The following NADK variants were observed in gnomAD, a reference collection of about 807,000 sequenced individuals.
NADK encodes the protein poly(P)/ATP NAD kinase.
NADK carries 22 observed loss-of-function variants against 49.8 expected under a neutral mutation model. The observed-to-expected ratio is 0.44, with a 90% CI of 0.32 to 0.63. The LOEUF (loss-of-function observed/expected upper bound fraction) is 0.63. Ranked by LOEUF, NADK falls within the 30% of genes least tolerant of loss-of-function variation. The pLI, the probability that NADK is intolerant of heterozygous loss-of-function variation, is 0.06. For missense variants in NADK, 438 were observed against 609.4 expected (o/e 0.72, Z 2.96); for synonymous variants, 268 against 253.7 (o/e 1.06, Z -0.54).
In NADK at chr1:1,753,660, A is replaced by G; in HGVS notation, c.1102-11T>C. The G allele has an allele frequency of 6.3e-7, 1 of 1,599,710 alleles. No individual in the cohort carries two copies. The highest frequency in any genetic ancestry group is 8.5e-7 in the Non-Finnish European group (1 of 1,171,022). On this transcript the variant is annotated splice_polypyrimidine_tract_variant and intron_variant, in intron 10 of 11. Coordinates refer to ENST00000341426, the MANE Select transcript of NADK (RefSeq NM_023018.5). Reference sequence around the variant, plus strand: ...AGGTGACAGCATGATCTGAGGGTCAAGCAGGGAGAGGTGTGGGCCCCCAGC... The same window carrying G: ...AGGTGACAGCATGATCTGAGGGTCAGGCAGGGAGAGGTGTGGGCCCCCAGC...
At chr1:1,779,691 G>GTGTA (rs1225019309), upstream of NADK, among the ~76,000 whole-genome samples, 1 of 151,826 alleles carries the variant, frequency 6.6e-6, no homozygotes, top group East Asian at 1.9e-4. Flanking sequence ...GTGTGTGTGT[G>GTGTA]TAGAGATGAG....
chr1:1,779,287 T>G (rs1646305445), upstream of NADK: 1 of 152,306 alleles, frequency 6.6e-6, no homozygotes, highest in Non-Finnish European at 1.5e-5. Context: ...AGGAGCGGAC[T>G]TTGTAGTGTT....
intron 6 of NADK, 47 bp downstream of exon 6, chr1:1,756,211 C>T: frequency 6.5e-7 from 1 of 1,528,658 alleles, no homozygotes; most frequent in Non-Finnish European, 9.1e-7. Flanking sequence ...CGTTACGCAG[C>T]ACCTAGACTA....
chr1:1,778,419 C>G lies in NADK; in HGVS notation c.-171G>C, dbSNP rs972645956. The G allele has an allele frequency of 2.0e-5, 3 of 148,542 alleles. No homozygotes were observed. The highest frequency in any genetic ancestry group is 7.3e-5 in the African/African-American group (3 of 41,018). 9.2% of individuals were successfully genotyped at this position (148,542 alleles called of 1,614,324 possible). A position where few individuals can be genotyped will look rare whatever the true frequency, so the allele number is the denominator to read the frequency against. ...TGGCCGCCTGTTGCCCCATGGCCGC[C>G]CGGACCCCGGCGCCGGCGCCGCCGA... On this transcript the variant is annotated 5_prime_UTR_variant, in exon 1 of 12. Coordinates refer to ENST00000341426, the MANE Select transcript of NADK (RefSeq NM_023018.5). The surrounding 1 kb of genome is among the most constrained non-coding windows in gnomAD (Gnocchi z 4.9).
intron 10 of NADK, 110 bp from the exon 11 acceptor site, chr1:1,753,759 G>A (rs1404935925): frequency 1.9e-6 from 2 of 1,040,332 alleles, no homozygotes; most frequent in Admixed American, 2.2e-5. Flanking sequence ...CTCTGACCCT[G>A]CCTTGCGGAC....
At position 1,759,227 on chromosome 1, in the gene NADK, A is replaced by G. The variant is rs190836072; in HGVS notation, c.264-1917T>C. The G allele has an allele frequency of 2.0e-4, 311 of 1,574,394 alleles. 1 individual carries two copies. The African/African-American group carries it at 3.7e-3, about 19-fold the overall frequency. Reference sequence around the variant, plus strand: ...TGTGTGACCACAAACCAGCGCCTCGACCTCTTCCTGGGTCACCTGCAAAGC... The same window carrying G: ...TGTGTGACCACAAACCAGCGCCTCGGCCTCTTCCTGGGTCACCTGCAAAGC... On this transcript the variant is annotated intron_variant, in intron 3 of 11. Coordinates refer to ENST00000341426, the MANE Select transcript of NADK (RefSeq NM_023018.5).
At chr1:1,762,477 C>T (rs1570544151) in intron 2 of NADK, among the ~76,000 whole-genome samples, 2 of 152,176 alleles carry the variant, frequency 1.3e-5, no homozygotes, top group Admixed American at 1.3e-4. Context: ...AGACGTAGGC[C>T]GGGCGCAGTG....
intron 1 of NADK, among the ~76,000 whole-genome samples, chr1:1,771,918 C>T (rs541746851): frequency 6.6e-6 from 1 of 151,920 alleles, no homozygotes; most frequent in East Asian, 1.9e-4. Flanking sequence ...AGCAATCCTC[C>T]CACTTCAGCC....
At chr1:1,770,912 G>T (rs888927968) in intron 1 of NADK, among the ~76,000 whole-genome samples, 3 of 151,526 alleles carry the variant, frequency 2.0e-5, no homozygotes, top group African/African-American at 7.3e-5. Context: ...GGCAGGCATG[G>T]TAGCACATGC....
At position 1,754,775 on chromosome 1, in the gene NADK, T is replaced by A; in HGVS notation, c.689-77A>T. On this transcript the variant is annotated intron_variant, in intron 7 of 11. Coordinates refer to ENST00000341426, the MANE Select transcript of NADK (RefSeq NM_023018.5). The surrounding 1 kb of genome is among the most constrained non-coding windows in gnomAD (Gnocchi z 4.3). ...AGGGGCCCCACCCCAGGGAGGCCAG[T>A]GGGAGTCAGAGGGCTCTTTCTTCTC... is the stretch of plus-strand genomic sequence containing the variant. 1.4e-6 allele frequency: 2 copies of A among 1,413,614 alleles called. No individual in the cohort carries two copies. Among genetic ancestry groups the A allele is most frequent in the Non-Finnish European group, 1.9e-6 (2 of 1,047,664 alleles). The allele number at this position is 1,413,614 out of a possible 1,614,324, so 87.6% of individuals were successfully genotyped here. A position where few individuals can be genotyped will look rare whatever the true frequency, so the allele number is the denominator to read the frequency against.
At chr1:1,763,618 CAAAAAAAAA>C (rs750600587) in intron 2 of NADK, among the ~76,000 whole-genome samples, 1 of 27,500 alleles carries the variant, frequency 3.6e-5, no homozygotes, top group Admixed American at 4.7e-4. Context: ...GACTCCATCT[CAAAAAAAAA>C]AAAAAAAAGA....
At chr1:1,774,060 C>T (rs912682140) in intron 1 of NADK, among the ~76,000 whole-genome samples, 1 of 151,598 alleles carries the variant, frequency 6.6e-6, no homozygotes, top group African/African-American at 2.4e-5. Context: ...TATTTATTTG[C>T]GAAGATCAAT....
intron 5 of NADK, 50 bp from the exon 6 acceptor site, chr1:1,756,393 T>C (rs1386340051): frequency 6.2e-7 from 1 of 1,605,538 alleles, no homozygotes; most frequent in African/African-American, 1.3e-5. Context: ...CAGTGGCCCC[T>C]CTGTGGCGCA....
Position 1,754,110 on chromosome 1 carries a change from T to C in NADK, c.1042A>G (p.Ile348Val), listed in dbSNP as rs1226599572. Residue 348 changes from isoleucine to valine, a missense_variant, in exon 10 of 12, where the codon ATC becomes GTC. Physicochemically the swap from Ile to Val is conservative, Grantham distance 29 (BLOSUM62 3). Transcript: ENST00000341426. This position sits in a 1 kb window ranked among gnomAD's most constrained non-coding sequence, Gnocchi z 4.3. ...PNVPAIMITP[I>V]CPHSLSFRPI... The stretch of plus-strand genomic sequence containing the variant: ...CGGAAGGACAGCGAGTGGGGGCAGA[T>C]GGGCGTGATCATGATGGCCGGCACG... The C allele has an allele frequency of 2.5e-6, 4 of 1,609,042 alleles. No homozygotes were observed. The highest frequency in any genetic ancestry group is 2.2e-5 in the East Asian group (1 of 44,754).
At chr1:1,773,723 TGTGTGTGA>T (rs1342953642) in intron 1 of NADK, among the ~76,000 whole-genome samples, 42 of 134,904 alleles carry the variant, frequency 3.1e-4, no homozygotes, top group South Asian at 1.2e-3. Context: ...TGTGTGTGTG[TGTGTGTGA>T]GAGAGAGAGA....
chr1:1,756,742 G>C, intron 4 of NADK, 134 bp from the exon 5 acceptor site: 1 of 1,514,150 alleles, frequency 6.6e-7, no homozygotes, highest in Non-Finnish European at 9.0e-7. Context: ...CGCTCACGCT[G>C]AAACTTCATC....
chr1:1,755,871 G>T, intron 6 of NADK: 1 of 444,290 alleles, frequency 2.3e-6, no homozygotes, highest in Non-Finnish European at 4.1e-6. Context: ...AGTGGGCCAA[G>T]GGCAGAGCCA....
intron 1 of NADK, among the ~76,000 whole-genome samples, chr1:1,777,561 ATAACTTGT>A (rs1389281903): frequency 2.6e-5 from 4 of 151,612 alleles, no homozygotes; most frequent in Admixed American, 1.3e-4. Flanking sequence ...GAAAGGAAAA[ATAACTTGT>A]TACTCGGAAT....
chr1:1,754,054 C>A lies in NADK; in HGVS notation c.1098G>T (p.Leu366=). The stretch of plus-strand genomic sequence containing the variant: ...AAGGAGTGTCGTTGGCTCTGACCTT[C>A]AGCTCGACCCCTGCGGGGACCACGA... ...RPIVVPAGVE[L]KIMLSPEARN... The change falls in exon 10 of 12, where the codon CTG becomes CTT. Residue 366 remains leucine, a synonymous_variant. Coordinates refer to ENST00000341426, the MANE Select transcript of NADK (RefSeq NM_023018.5). The surrounding 1 kb of genome is among the most constrained non-coding windows in gnomAD (Gnocchi z 4.3). 1 of 1,577,306 alleles carries A rather than the reference C, an allele frequency of 6.3e-7. No individual in the cohort carries two copies. The highest frequency in any genetic ancestry group is 1.1e-5 in the South Asian group (1 of 88,098).
Sources: gnomAD v4.1 joint callset for allele counts (sites outside exome capture counted in the v4.1 genomes callset) on GRCh38, gnomAD v4.1.1 for gene constraint, Gnocchi (gnomAD v3.1) non-coding constraint, MANE v1.5 for transcripts, NCBI Gene and HGNC (gene_info 2026-07-23, HGNC 2026-07-21) for gene names.